Variants in PRMT3 observed in about 807,000 individuals in gnomAD.
PRMT3 encodes protein arginine methyltransferase 3, also known as protein arginine N-methyltransferase 3.
In PRMT3, 62 loss-of-function variants were observed where a neutral mutation model predicts 71.9. The ratio of observed to expected loss-of-function variants is 0.86; its 90% CI spans 0.70 to 1.07. PRMT3 has a LOEUF of 1.07. Ranked by LOEUF, PRMT3 falls within the 50% of genes least tolerant of loss-of-function variation. PRMT3 has a pLI of 0.00. For missense variants in PRMT3, 663 were observed against 643.0 expected (o/e 1.03, Z -0.34); for synonymous variants, 213 against 220.4 (o/e 0.97, Z 0.30).
At chr11:20,427,531 C>T (rs1331433891) in intron 10 of PRMT3, among the ~76,000 whole-genome samples, 1 of 152,088 alleles carries the variant, frequency 6.6e-6, no homozygotes, top group African/African-American at 2.4e-5. Context: ...TTGAGACCAG[C>T]CTGGCCAACG....
chr11:20,503,849 G>T (rs1398717594), intron 15 of PRMT3, among the ~76,000 whole-genome samples: 2 of 152,142 alleles, frequency 1.3e-5, no homozygotes, highest in Non-Finnish European at 2.9e-5. Flanking sequence ...GTACCTAGAA[G>T]TGGAATTACT....
At chr11:20,403,414 GTAGTA>G (rs1168372512) in intron 8 of PRMT3, among the ~76,000 whole-genome samples, 2 of 152,010 alleles carry the variant, frequency 1.3e-5, no homozygotes, top group Non-Finnish European at 2.9e-5. Flanking sequence ...GTTCACTATG[GTAGTA>G]TAGTATTTAG....
chr11:20,491,637 C>T (rs1409159746), intron 13 of PRMT3, among the ~76,000 whole-genome samples: 1 of 152,122 alleles, frequency 6.6e-6, no homozygotes, highest in East Asian at 1.9e-4. Flanking sequence ...ACAGATTTTT[C>T]CAATCTCACG....
chr11:20,390,465 T>C (rs1165770016), intron 3 of PRMT3, among the ~76,000 whole-genome samples: 1 of 152,206 alleles, frequency 6.6e-6, no homozygotes, highest in Admixed American at 6.5e-5. Flanking sequence ...GCAGGTCATT[T>C]GAAAAAAGAC....
In PRMT3 at chr11:20,508,361, T is replaced by C; in HGVS notation, c.1544T>C (p.Leu515Pro). ...AAGAATAAGAAAGATCCACGTTCTC[T>C]CACCGTGACCCTCACGTTGAATAAT... Reference protein sequence around the residue: ...VHKNKKDPRSLTVTLTLNNST... With the variant: ...VHKNKKDPRSPTVTLTLNNST... Residue 515 changes from leucine (L) to proline (P), a missense_variant, in exon 16 of 16, where the codon CTC becomes CCC. Coordinates refer to ENST00000331079, the MANE Select transcript of PRMT3 (RefSeq NM_005788.4). 1.9e-6 allele frequency: 3 copies of C among 1,612,200 alleles called. No homozygotes were observed.
Position 20,413,452 on chromosome 11 carries a change from A to T in PRMT3, c.893+5420A>T, listed in dbSNP as rs531454028. ...CCCTGATTTCTTCATTTATAAAATG[A>T]GGTTGATGGAGTCTTATCTCATAAG... On this transcript the variant is annotated intron_variant, in intron 9 of 15. Coordinates refer to ENST00000331079, the MANE Select transcript of PRMT3 (RefSeq NM_005788.4). Among the ~76,000 whole-genome samples the T allele has an allele frequency of 1.9e-3, 295 of 152,250 alleles. 6 individuals are homozygous for T. Among genetic ancestry groups the T allele is most frequent in the Non-Finnish European group, 1.8e-3 (120 of 68,014 alleles).
At chr11:20,441,054 A>T (rs1363249839) in intron 10 of PRMT3, among the ~76,000 whole-genome samples, 1 of 151,846 alleles carries the variant, frequency 6.6e-6, no homozygotes, top group Admixed American at 6.6e-5. Context: ...TCAATATAAC[A>T]TCTGAATTAC....
chr11:20,426,132 T>C (rs1278246159), intron 9 of PRMT3, among the ~76,000 whole-genome samples: 1 of 152,242 alleles, frequency 6.6e-6, no homozygotes, highest in Non-Finnish European at 1.5e-5. Flanking sequence ...GGTTAATTTT[T>C]GATAGTGATA....
At chr11:20,498,186 G>A (rs1851375818) in intron 15 of PRMT3, among the ~76,000 whole-genome samples, 1 of 152,110 alleles carries the variant, frequency 6.6e-6, no homozygotes, top group Admixed American at 6.5e-5. Context: ...AGCTTATGGG[G>A]AAATACCAAG....
intron 10 of PRMT3, among the ~76,000 whole-genome samples, chr11:20,429,152 GTTT>G (rs1291277458): frequency 6.6e-6 from 1 of 152,192 alleles, no homozygotes; most frequent in Non-Finnish European, 1.5e-5. Flanking sequence ...CCAGGGTCCA[GTTT>G]CATGGAAGAC....
chr11:20,499,859 G>A (rs1255596976), intron 15 of PRMT3, among the ~76,000 whole-genome samples: 1 of 152,158 alleles, frequency 6.6e-6, no homozygotes, highest in African/African-American at 2.4e-5. Context: ...TGAAATTCCG[G>A]TCCCAGGTAA....
intron 10 of PRMT3, among the ~76,000 whole-genome samples, chr11:20,447,338 T>A (rs147608047): frequency 1.3e-5 from 2 of 152,030 alleles, no homozygotes; most frequent in Non-Finnish European, 2.9e-5. Context: ...AATTTGGGAC[T>A]GTGGGTTGGG....
chr11:20,485,576 T>A (rs1851051587), intron 13 of PRMT3, among the ~76,000 whole-genome samples: 1 of 152,084 alleles, frequency 6.6e-6, no homozygotes, highest in South Asian at 2.1e-4. Context: ...CAGCAGATCT[T>A]CATGTATTAG....
rs1851666495 is a variant in PRMT3, at chr11:20,509,094, T to A, written c.*681T>A. 1 of 152,764 alleles carries A rather than the reference T, an allele frequency of 6.5e-6. No homozygotes were observed. The highest frequency in any genetic ancestry group is 2.1e-4 in the South Asian group (1 of 4,864). The allele number at this position is 152,764 out of a possible 1,614,324, so 9.5% of individuals were successfully genotyped here. Reference sequence around the variant, plus strand: ...TTCAATACATTTATCCTAGGTTTCATGAAAGTTTTTAAAGATTGGGATAAA... The same window carrying A: ...TTCAATACATTTATCCTAGGTTTCAAGAAAGTTTTTAAAGATTGGGATAAA... On this transcript the variant is annotated 3_prime_UTR_variant, in exon 16 of 16. Transcript: ENST00000331079.
chr11:20,488,906 G>C (rs532652179), intron 13 of PRMT3, among the ~76,000 whole-genome samples: 1 of 152,052 alleles, frequency 6.6e-6, no homozygotes, highest in Non-Finnish European at 1.5e-5. Flanking sequence ...TCATGATTCA[G>C]TTTACAAATG....
intron 13 of PRMT3, 118 bp from the exon 14 acceptor site, chr11:20,493,801 A>G (rs1851267164): frequency 1.5e-6 from 1 of 670,638 alleles, no homozygotes; most frequent in African/African-American, 1.8e-5. Flanking sequence ...TATTGAGTTT[A>G]AGAGGTATTT....
chr11:20,449,514 A>T (rs924454711), intron 10 of PRMT3, among the ~76,000 whole-genome samples: 3 of 152,164 alleles, frequency 2.0e-5, no homozygotes, highest in Non-Finnish European at 2.9e-5. Context: ...ATTCTGTCTC[A>T]TTCACTCCCC....
intron 9 of PRMT3, among the ~76,000 whole-genome samples, chr11:20,409,156 A>C (rs1353057062): frequency 6.6e-6 from 1 of 152,168 alleles, no homozygotes; most frequent in Non-Finnish European, 1.5e-5. Flanking sequence ...TAAAAATTTA[A>C]ATATGATTAT....
chr11:20,440,489 C>CAAAAA (rs55801324), intron 10 of PRMT3, among the ~76,000 whole-genome samples: 5 of 115,958 alleles, frequency 4.3e-5, no homozygotes, highest in East Asian at 2.5e-4. Context: ...ACTAAAAATA[C>CAAAAA]AAAAAAAAAA....
Sources: gnomAD v4.1 joint callset for allele counts (sites outside exome capture counted in the v4.1 genomes callset) on GRCh38, gnomAD v4.1.1 for gene constraint, MANE v1.5 for transcripts, NCBI Gene and HGNC (gene_info 2026-07-23, HGNC 2026-07-21) for gene names.